Variants in ARHGEF9 observed in about 807,000 individuals in gnomAD.
The protein encoded by ARHGEF9 is rho guanine nucleotide exchange factor 9.
ARHGEF9 carries 2 observed loss-of-function variants against 41.3 expected under a neutral mutation model. The observed-to-expected ratio is 0.05, with a 90% CI of 0.02 to 0.15. ARHGEF9 has a LOEUF of 0.15. ARHGEF9 is among the 10% of genes least tolerant of loss of function. The probability of loss-of-function intolerance (pLI) is 1.00; values close to 1 mark genes in which losing one functional copy is unlikely to be tolerated. For synonymous variants in ARHGEF9, 160 were observed against 154.4 expected, an observed-to-expected ratio of 1.04 and a Z score of -0.27; for missense variants, 225 against 424.7, an observed-to-expected ratio of 0.53 and a Z score of 4.13.
intron 4 of ARHGEF9, among the ~76,000 whole-genome samples, chrX:63,695,843 G>A (rs1313319343): frequency 9.0e-6 from 1 of 111,323 alleles, no homozygotes; most frequent in Admixed American, 9.6e-5. Flanking sequence ...TCTACATGAT[G>A]AGCCCACAAT....
At chrX:63,759,244 G>A (rs1556448612) in intron 1 of ARHGEF9, among the ~76,000 whole-genome samples, 1 of 111,277 alleles carries the variant, frequency 9.0e-6, no homozygotes, top group African/African-American at 3.3e-5. Context: ...TCTGAGTTAT[G>A]TGACCAATCA....
intron 1 of ARHGEF9, chrX:63,755,759 C>G (rs1260593682): frequency 1.7e-6 from 1 of 573,617 alleles, no homozygotes; most frequent in Non-Finnish European, 2.1e-6. Flanking sequence ...GTGTTGTGGA[C>G]AGAATCACAG....
intron 4 of ARHGEF9, among the ~76,000 whole-genome samples, chrX:63,683,800 A>G (rs1456137381): frequency 2.7e-5 from 3 of 111,520 alleles, no homozygotes; most frequent in African/African-American, 9.8e-5. Context: ...TATATGCAAA[A>G]GAACAAAATT....
rs1444540191 is a variant in ARHGEF9, at chrX:63,654,172, C to A, written c.1321+1322G>T. Among the ~76,000 whole-genome samples the A allele has an allele frequency of 7.0e-5, 7 of 99,776 alleles. No individual in the cohort carries two copies. The South Asian group carries it at 1.3e-3, about 19-fold the overall frequency. 86.6% of individuals were successfully genotyped at this position (99,776 alleles called of 115,157 possible). A position where few individuals can be genotyped will look rare whatever the true frequency, so the allele number is the denominator to read the frequency against. ...TTATTATCAAACCAAAAAAAAAAAA[C>A]CTCAACATTTTTAAAGATGAACATA... On this transcript the variant is annotated intron_variant, in intron 8 of 9. Transcript: ENST00000671741.
intron 9 of ARHGEF9, chrX:63,641,250 G>C (rs1176243617): frequency 1.8e-5 from 2 of 108,604 alleles, no homozygotes; most frequent in Non-Finnish European, 3.8e-5. Context: ...TACTCGGGAG[G>C]GTGAGGCAGG....
intron 4 of ARHGEF9, among the ~76,000 whole-genome samples, chrX:63,679,870 T>A (rs2050504442): frequency 3.6e-5 from 4 of 111,705 alleles, no homozygotes; most frequent in Non-Finnish European, 7.5e-5. Flanking sequence ...ATAGACAGAA[T>A]ATAGACTGAA....
intron 1 of ARHGEF9, among the ~76,000 whole-genome samples, chrX:63,757,856 G>A (rs1426244217): frequency 8.9e-6 from 1 of 112,298 alleles, no homozygotes; most frequent in Non-Finnish European, 1.9e-5. Context: ...CTATATTGCT[G>A]AAAAGCTAAA....
At chrX:63,716,354 TG>T (rs2053303164) in intron 2 of ARHGEF9, among the ~76,000 whole-genome samples, 1 of 111,029 alleles carries the variant, frequency 9.0e-6, no homozygotes, top group African/African-American at 3.3e-5. Flanking sequence ...GGAGTATATC[TG>T]TTCCAACCCC....
intron 1 of ARHGEF9, among the ~76,000 whole-genome samples, chrX:63,771,824 C>T (rs1384015719): frequency 9.0e-6 from 1 of 111,436 alleles, no homozygotes; most frequent in Non-Finnish European, 1.9e-5. Flanking sequence ...GCCTCAGCCT[C>T]CCCGACTGCT....
At chrX:63,712,386 G>C (rs1396576832) in intron 2 of ARHGEF9, among the ~76,000 whole-genome samples, 1 of 111,805 alleles carries the variant, frequency 8.9e-6, no homozygotes, top group Non-Finnish European at 1.9e-5. Context: ...TTCATTAATT[G>C]ATGAATGGAT....
At chrX:63,676,717 A>C (rs2050280811) in intron 5 of ARHGEF9, among the ~76,000 whole-genome samples, 1 of 112,020 alleles carries the variant, frequency 8.9e-6, no homozygotes, top group Non-Finnish European at 1.9e-5. Context: ...CTCTGATTTG[A>C]GGAGATCAGT....
intron 6 of ARHGEF9, among the ~76,000 whole-genome samples, chrX:63,669,930 A>C: frequency 8.9e-6 from 1 of 112,359 alleles, no homozygotes; most frequent in Non-Finnish European, 1.9e-5. Flanking sequence ...GACACAGAGT[A>C]CTTGATATTT....
chrX:63,662,001 T>C (rs1415846385), intron 7 of ARHGEF9, among the ~76,000 whole-genome samples: 1 of 111,991 alleles, frequency 8.9e-6, no homozygotes, highest in Non-Finnish European at 1.9e-5. Flanking sequence ...CATAATAATC[T>C]AGCCCATATT....
chrX:63,737,371 G>T (rs2054674546), intron 1 of ARHGEF9, among the ~76,000 whole-genome samples: 1 of 112,384 alleles, frequency 8.9e-6, no homozygotes, highest in Non-Finnish European at 1.9e-5. Context: ...CAAATGGAAA[G>T]TTGAGGTCAT....
At chrX:63,723,860 G>T (rs2053791627) in intron 2 of ARHGEF9, among the ~76,000 whole-genome samples, 1 of 112,253 alleles carries the variant, frequency 8.9e-6, no homozygotes, top group South Asian at 3.7e-4. Flanking sequence ...GGTTCTTCAT[G>T]GTACAATGTC....
chrX:63,765,846 A>G (rs1419485905), intron 1 of ARHGEF9, among the ~76,000 whole-genome samples: 1 of 112,075 alleles, frequency 8.9e-6, no homozygotes, highest in Non-Finnish European at 1.9e-5. Flanking sequence ...AGAAGGGAAG[A>G]GCAAATAAGG....
intron 4 of ARHGEF9, among the ~76,000 whole-genome samples, chrX:63,694,164 C>T (rs1210309942): frequency 5.7e-5 from 6 of 104,735 alleles, no homozygotes; most frequent in Admixed American, 1.0e-4. Context: ...GCCTGGGTAA[C>T]GAAGCAAGAC....
In ARHGEF9 at chrX:63,777,659, T is replaced by C. The variant is rs112183817; in HGVS notation, c.30+7457A>G. On this transcript the variant is annotated intron_variant, in intron 1 of 9. Coordinates refer to ENST00000671741, the MANE Select transcript of ARHGEF9 (RefSeq NM_001353921.2). ...ATGAAATTATAGACATAAAGATGCC[T>C]AGATACAAAGACATTGGGTAAATAA... Among the ~76,000 whole-genome samples, 1,022 of 112,715 alleles carry C rather than the reference T, an allele frequency of 9.1e-3. 9 individuals are homozygous for C. The highest frequency in any genetic ancestry group is 0.032 in the African/African-American group (981 of 31,095).
At chrX:63,683,121 G>A (rs1342800706) in intron 4 of ARHGEF9, among the ~76,000 whole-genome samples, 18 of 109,543 alleles carry the variant, frequency 1.6e-4, no homozygotes, top group African/African-American at 6.0e-4. Flanking sequence ...AAAAAAACCT[G>A]TTAGAAAAAG....
Sources: gnomAD v4.1 joint callset for allele counts (sites outside exome capture counted in the v4.1 genomes callset) on GRCh38, gnomAD v4.1.1 for gene constraint, MANE v1.5 for transcripts, NCBI Gene and HGNC (gene_info 2026-07-23, HGNC 2026-07-21) for gene names.